Variants in PMFBP1 observed in about 807,000 individuals in gnomAD.
PMFBP1 encodes the protein polyamine modulated factor 1 binding protein 1.
In PMFBP1, 131 loss-of-function variants were observed where a neutral mutation model predicts 137.8. That is an observed-to-expected ratio of 0.95 (90% confidence interval 0.82 to 1.10). The LOEUF is 1.10. Ranked by LOEUF, PMFBP1 falls within the 50% of genes least tolerant of loss-of-function variation. The pLI, the probability that PMFBP1 is intolerant of heterozygous loss-of-function variation, is 0.00. For missense variants in PMFBP1, 1,199 were observed against 1,175.4 expected (o/e 1.02, Z -0.29); for synonymous variants, 490 against 450.4 (o/e 1.09, Z -1.11).
chr16:72,179,777 T>C (rs993573503), upstream of PMFBP1, among the ~76,000 whole-genome samples: 3 of 152,218 alleles, frequency 2.0e-5, no homozygotes, highest in Admixed American at 6.5e-5. Flanking sequence ...GCTATGGCCA[T>C]TAGCACTACA....
the PMFBP1 span, among the ~76,000 whole-genome samples, chr16:72,217,558 TA>T: frequency 1.3e-5 from 2 of 152,156 alleles, no homozygotes; most frequent in African/African-American, 4.8e-5. Flanking sequence ...TCATAACTTT[TA>T]AAAGTCTCTA....
chr16:72,119,192 A>G lies in PMFBP1; in HGVS notation c.*146T>C. The G allele has an allele frequency of 1.1e-6, 1 of 910,384 alleles. No homozygotes were observed. Among genetic ancestry groups the G allele is most frequent in the Non-Finnish European group, 1.7e-6 (1 of 579,244 alleles). The allele number at this position is 910,384 out of a possible 1,614,324, so 56.4% of individuals were successfully genotyped here. Reference sequence around the variant, plus strand: ...CATGGCAGGAAGTGGACAAAACTCAACAAAAGTTAGTGTCTTGCAAAATAG... The same window carrying G: ...CATGGCAGGAAGTGGACAAAACTCAGCAAAAGTTAGTGTCTTGCAAAATAG... On this transcript the variant is annotated 3_prime_UTR_variant, in exon 21 of 21. Transcript: ENST00000237353.
chr16:72,129,837 T>G (rs1446745133), intron 12 of PMFBP1, among the ~76,000 whole-genome samples: 1 of 152,142 alleles, frequency 6.6e-6, no homozygotes, highest in Non-Finnish European at 1.5e-5. Flanking sequence ...AAATAATGAC[T>G]GATATGTTTA....
At chr16:72,191,547 T>C in the PMFBP1 span, among the ~76,000 whole-genome samples, 1 of 152,250 alleles carries the variant, frequency 6.6e-6, no homozygotes, top group Non-Finnish European at 1.5e-5. Context: ...AGCTCTCCTT[T>C]AAAAATAGGC....
At chr16:72,160,929 G>C (rs1438254274) in intron 3 of PMFBP1, among the ~76,000 whole-genome samples, 1 of 152,132 alleles carries the variant, frequency 6.6e-6, no homozygotes, top group Non-Finnish European at 1.5e-5. Flanking sequence ...TTTTGAATCA[G>C]TTTCTCCTTG....
chr16:72,130,348 C>T lies in PMFBP1; in HGVS notation c.1647G>A (p.Val549=), dbSNP rs2042530219. Residue 549 remains valine (V), a synonymous_variant, in exon 12 of 21, where the codon GTG becomes GTA. Transcript: ENST00000237353. ...CAGAGAGTTCTAATGACAGCTCCTC[C>T]ACCCGTTTTCTAAAGCAAAATAACA... ...EKEQTSNRKR[V]EELSLELSEA... 1.2e-6 allele frequency: 2 copies of T among 1,614,176 alleles called. No individual in the cohort carries two copies. Among genetic ancestry groups the T allele is most frequent in the South Asian group, 1.1e-5 (1 of 91,084 alleles).
At chr16:72,176,123 C>T (rs902747130), upstream of PMFBP1, among the ~76,000 whole-genome samples, 1 of 152,150 alleles carries the variant, frequency 6.6e-6, no homozygotes, top group African/African-American at 2.4e-5. Flanking sequence ...TGAATAGGAA[C>T]CTGACACCAA....
intron 9 of PMFBP1, among the ~76,000 whole-genome samples, chr16:72,134,995 C>T (rs142136124): frequency 1.1e-3 from 170 of 152,298 alleles, no homozygotes; most frequent in African/African-American, 3.9e-3. Context: ...CGGTGCTTGG[C>T]ATATTTTAGG....
chr16:72,237,009 A>C, the PMFBP1 span, among the ~76,000 whole-genome samples: 1 of 152,186 alleles, frequency 6.6e-6, no homozygotes, highest in African/African-American at 2.4e-5. Flanking sequence ...TTCAAACTCA[A>C]AACACTGGAT....
chr16:72,209,528 A>ATAT, the PMFBP1 span, among the ~76,000 whole-genome samples: 1 of 152,108 alleles, frequency 6.6e-6, no homozygotes, highest in African/African-American at 2.4e-5. Flanking sequence ...ATGTATATAT[A>ATAT]ACTGTATATC....
At chr16:72,163,377 G>A (rs941596373) in intron 3 of PMFBP1, among the ~76,000 whole-genome samples, 1 of 152,166 alleles carries the variant, frequency 6.6e-6, no homozygotes, top group African/African-American at 2.4e-5. Flanking sequence ...CAAACCCCAG[G>A]CTAAAATGAA....
chr16:72,190,635 G>C, the PMFBP1 span, among the ~76,000 whole-genome samples: 2 of 152,162 alleles, frequency 1.3e-5, no homozygotes, highest in African/African-American at 4.8e-5. Context: ...CCTAGCTTGG[G>C]GTCAGAGGCA....
intron 14 of PMFBP1, 59 bp from the exon 15 acceptor site, chr16:72,126,191 C>A: frequency 6.4e-7 from 1 of 1,570,004 alleles, no homozygotes; most frequent in South Asian, 1.2e-5. Flanking sequence ...GAGGCATTCT[C>A]TGTGCCTATA....
intron 2 of PMFBP1, 150 bp from the exon 3 acceptor site, chr16:72,165,066 A>T: frequency 1.3e-6 from 1 of 772,630 alleles, no homozygotes; most frequent in Non-Finnish European, 1.9e-6. Flanking sequence ...TAACATTTAC[A>T]CAGTTTCCAA....
chr16:72,151,742 T>A (rs548208261), intron 4 of PMFBP1, among the ~76,000 whole-genome samples: 1 of 152,228 alleles, frequency 6.6e-6, no homozygotes, highest in East Asian at 1.9e-4. Flanking sequence ...GAATATTTTA[T>A]ATCCAAATAT....
chr16:72,183,742 A>G, the PMFBP1 span, among the ~76,000 whole-genome samples: 1 of 152,072 alleles, frequency 6.6e-6, no homozygotes, highest in Non-Finnish European at 1.5e-5. Context: ...CTTCTATTAT[A>G]CTGGGGAAAA....
At chr16:72,245,637 C>A in the PMFBP1 span, among the ~76,000 whole-genome samples, 1 of 152,174 alleles carries the variant, frequency 6.6e-6, no homozygotes, top group African/African-American at 2.4e-5. Context: ...CCTCCAGGTT[C>A]CCCGAGTTCA....
At chr16:72,117,422 A>C (rs1008405772), downstream of PMFBP1, among the ~76,000 whole-genome samples, 2 of 152,076 alleles carry the variant, frequency 1.3e-5, no homozygotes, top group Non-Finnish European at 2.9e-5. Flanking sequence ...GGTGGTCTGT[A>C]GAGTCTTTAG....
At chr16:72,168,231 A>C (rs2043173374) in intron 2 of PMFBP1, among the ~76,000 whole-genome samples, 1 of 152,226 alleles carries the variant, frequency 6.6e-6, no homozygotes, top group African/African-American at 2.4e-5. Context: ...AGACCAAATT[A>C]TAAAGAGGTT....
Sources: allele counts gnomAD v4.1 joint callset (sites outside exome capture counted in the v4.1 genomes callset), GRCh38; gene constraint gnomAD v4.1.1; transcripts MANE v1.5; gene names NCBI Gene and HGNC (gene_info 2026-07-23, HGNC 2026-07-21).